SLC24A3: variants seen among roughly 807,000 people sequenced by gnomAD.
The protein encoded by SLC24A3 is sodium/potassium/calcium exchanger 3.
A neutral mutation model predicts 75.8 loss-of-function variants in SLC24A3; 28 were observed. The observed-to-expected ratio is 0.37, with a 90% CI of 0.27 to 0.51. The LOEUF (loss-of-function observed/expected upper bound fraction) is 0.51, where lower values mean the gene tolerates loss of function less well. Among genes scored for constraint, SLC24A3 ranks in the 20% least tolerant of loss-of-function variants. The probability of loss-of-function intolerance (pLI) is 0.94; values close to 1 mark genes in which losing one functional copy is unlikely to be tolerated. For synonymous variants in SLC24A3, 372 were observed against 334.1 expected (o/e 1.11, Z -1.24); for missense variants, 663 against 847.8 (o/e 0.78, Z 2.71).
chr20:19,462,912 A>G (rs537423005), intron 2 of SLC24A3, among the ~76,000 whole-genome samples: 2 of 152,272 alleles, frequency 1.3e-5, no homozygotes, highest in South Asian at 4.1e-4. Context: ...ATTCAAATGT[A>G]TCAAATTTTC....
At chr20:19,673,373 C>A (rs1289849783) in intron 8 of SLC24A3, among the ~76,000 whole-genome samples, 1 of 152,140 alleles carries the variant, frequency 6.6e-6, no homozygotes, top group East Asian at 1.9e-4. Flanking sequence ...TGACAAATAA[C>A]AGAGAGGAAG....
At chr20:19,655,940 C>T (rs907960409) in intron 7 of SLC24A3, among the ~76,000 whole-genome samples, 3 of 152,018 alleles carry the variant, frequency 2.0e-5, no homozygotes, top group Admixed American at 6.6e-5. Context: ...TTCAGTGTCT[C>T]TTAAGAGCCC....
intron 6 of SLC24A3, among the ~76,000 whole-genome samples, chr20:19,607,520 C>T (rs2031613463): frequency 6.6e-6 from 1 of 152,214 alleles, no homozygotes; most frequent in Non-Finnish European, 1.5e-5. Context: ...ATTACTTGCT[C>T]ATTAATGTAC....
chr20:19,519,808 A>G (rs972314394), intron 3 of SLC24A3, among the ~76,000 whole-genome samples: 4 of 152,212 alleles, frequency 2.6e-5, no homozygotes, highest in Non-Finnish European at 5.9e-5. Flanking sequence ...CATTATCCCC[A>G]TGACACAAAT....
intron 1 of SLC24A3, among the ~76,000 whole-genome samples, chr20:19,225,544 G>A (rs140149065): frequency 8.5e-4 from 129 of 152,192 alleles, no homozygotes; most frequent in African/African-American, 2.8e-3. Flanking sequence ...AAACTTGACA[G>A]GGTGCAGAAC....
chr20:19,370,318 T>C (rs1985970640), intron 2 of SLC24A3, among the ~76,000 whole-genome samples: 2 of 152,360 alleles, frequency 1.3e-5, no homozygotes, highest in South Asian at 4.1e-4. Context: ...GTCTGTTGTT[T>C]GATAAGTGAT....
intron 2 of SLC24A3, among the ~76,000 whole-genome samples, chr20:19,408,482 C>CA (rs1400001984): frequency 1.3e-5 from 2 of 151,830 alleles, no homozygotes; most frequent in Non-Finnish European, 2.9e-5. Flanking sequence ...CTCCACCTCC[C>CA]AGGTTCAAGC....
chr20:19,375,782 G>A (rs1986073958), intron 2 of SLC24A3, among the ~76,000 whole-genome samples: 1 of 152,142 alleles, frequency 6.6e-6, no homozygotes, highest in African/African-American at 2.4e-5. Context: ...CATCCATAGT[G>A]GAGTATGTTT....
chr20:19,671,039 C>T (rs2032460131), intron 8 of SLC24A3, among the ~76,000 whole-genome samples: 1 of 152,106 alleles, frequency 6.6e-6, no homozygotes, highest in South Asian at 2.1e-4. Flanking sequence ...AATATATAAA[C>T]AAGATAATCA....
chr20:19,224,041 C>T (rs1005654550), intron 1 of SLC24A3, among the ~76,000 whole-genome samples: 4 of 152,044 alleles, frequency 2.6e-5, no homozygotes, highest in Admixed American at 2.0e-4. Flanking sequence ...GGACTATGGT[C>T]GACTGCAGGT....
intron 2 of SLC24A3, among the ~76,000 whole-genome samples, chr20:19,504,974 C>CA: frequency 6.6e-6 from 1 of 152,294 alleles, no homozygotes; most frequent in South Asian, 2.1e-4. Flanking sequence ...GCTGCTGGCT[C>CA]AAAGACATGA....
intron 2 of SLC24A3, among the ~76,000 whole-genome samples, chr20:19,313,535 G>A (rs1188184797): frequency 6.6e-6 from 1 of 152,230 alleles, no homozygotes; most frequent in Non-Finnish European, 1.5e-5. Flanking sequence ...CCTGAGCTAG[G>A]CTGGAACCCA....
At chr20:19,336,634 T>G (rs902253486) in intron 2 of SLC24A3, among the ~76,000 whole-genome samples, 1 of 151,086 alleles carries the variant, frequency 6.6e-6, no homozygotes, top group Non-Finnish European at 1.5e-5. Context: ...TGCCCCCACT[T>G]GGCTTCCCAA....
intron 15 of SLC24A3, among the ~76,000 whole-genome samples, chr20:19,701,055 T>A (rs2032865881): frequency 6.6e-6 from 1 of 152,190 alleles, no homozygotes; most frequent in African/African-American, 2.4e-5. Context: ...TTCCTGAAGT[T>A]TTGGGACAGC....
chr20:19,620,000 G>T lies in SLC24A3; in HGVS notation c.613-34062G>T, dbSNP rs186763042. ...AAAATCTCCTATGACTCACCAAAAG[G>T]GTCACAAGACCACCCACCTTGGCCC... On this transcript the variant is annotated intron_variant, in intron 6 of 16. Coordinates refer to ENST00000328041, the MANE Select transcript of SLC24A3 (RefSeq NM_020689.4). Among the ~76,000 whole-genome samples the T allele has an allele frequency of 2.1e-3, 318 of 152,140 alleles. 1 individual carries two copies. Among genetic ancestry groups the T allele is most frequent in the Admixed American group, 5.4e-3 (82 of 15,272 alleles).
chr20:19,285,477 CAAAA>C (rs35866612), intron 2 of SLC24A3, among the ~76,000 whole-genome samples: 37 of 43,038 alleles, frequency 8.6e-4, no homozygotes, highest in South Asian at 2.9e-3. Flanking sequence ...GACCCTGTCT[CAAAA>C]AAAAAAAAAA....
chr20:19,658,060 G>A (rs1387572671), intron 7 of SLC24A3, among the ~76,000 whole-genome samples: 5 of 152,084 alleles, frequency 3.3e-5, no homozygotes, highest in Non-Finnish European at 7.4e-5. Flanking sequence ...GTGTCCTGAG[G>A]TTGTGTAATA....
At chr20:19,328,383 T>C (rs1311306390) in intron 2 of SLC24A3, among the ~76,000 whole-genome samples, 1 of 152,054 alleles carries the variant, frequency 6.6e-6, no homozygotes, top group Non-Finnish European at 1.5e-5. Context: ...GAATGTTGGA[T>C]TGATAATAAA....
intron 2 of SLC24A3, among the ~76,000 whole-genome samples, chr20:19,293,668 A>T (rs1983995777): frequency 6.6e-6 from 1 of 151,918 alleles, no homozygotes; most frequent in African/African-American, 2.4e-5. Flanking sequence ...AAAAAAAAAA[A>T]AAAAAAAGGG....
Sources: allele counts gnomAD v4.1 joint callset (sites outside exome capture counted in the v4.1 genomes callset), GRCh38; gene constraint gnomAD v4.1.1; transcripts MANE v1.5; gene names NCBI Gene and HGNC (gene_info 2026-07-23, HGNC 2026-07-21).